The following ABR variants were observed in gnomAD, a reference collection of about 807,000 sequenced individuals.
ABR encodes the protein active breakpoint cluster region-related protein.
Under a neutral mutation model 107.2 loss-of-function variants are expected in ABR, and 35 were observed. The observed-to-expected ratio is 0.33, with a 90% CI of 0.25 to 0.43. The LOEUF is 0.43. ABR is among the 20% of genes least tolerant of loss of function. ABR has a pLI of 1.00. For missense variants in ABR, 815 were observed against 1,115.2 expected (o/e 0.73, Z 3.83); for synonymous variants, 498 against 462.0 (o/e 1.08, Z -1.00).
intron 2 of ABR, 69 bp downstream of exon 2, chr17:1,125,114 C>G (rs2039531928): frequency 6.8e-7 from 1 of 1,479,282 alleles, no homozygotes; most frequent in South Asian, 1.3e-5. Flanking sequence ...CAAGCAGGGC[C>G]TGGCCCACGA....
At chr17:1,216,316 G>A (rs2043008462) in intron 1 of ABR, among the ~76,000 whole-genome samples, 1 of 152,218 alleles carries the variant, frequency 6.6e-6, no homozygotes, top group South Asian at 2.1e-4. Flanking sequence ...GAGGAGGAGA[G>A]CGGGGCCCAC....
intron 6 of ABR, among the ~76,000 whole-genome samples, chr17:1,075,511 C>G (rs563182748): frequency 6.6e-5 from 10 of 152,342 alleles, no homozygotes; most frequent in African/African-American, 2.4e-4. Context: ...GCAGCCTCAG[C>G]AGGGCCACCA....
chr17:1,117,072 G>T (rs71357158), intron 2 of ABR, among the ~76,000 whole-genome samples: 13,824 of 145,178 alleles, frequency 0.095, 1,705 homozygotes, highest in Middle Eastern at 0.16. Flanking sequence ...AGAAAGGGAA[G>T]AAGAGGCTGC....
chr17:1,152,833 C>T (rs913628750), intron 1 of ABR, among the ~76,000 whole-genome samples: 1 of 152,034 alleles, frequency 6.6e-6, no homozygotes, highest in Admixed American at 6.6e-5. Context: ...GTGGGTCATG[C>T]CTGTAATCCC....
rs776233596 is a variant in ABR at position 1,096,604 on chromosome 17, G to A, written c.345+4033C>T. 5.3e-5 allele frequency among the ~76,000 whole-genome samples: 8 copies of A among 152,274 alleles called. 1 individual carries two copies. In the East Asian group the frequency reaches 9.7e-4, roughly 18 times the overall value. ...CCTACCACAGACCTGGCCTCCCAGC[G>A]AGTTCTTCCTTTGCTCCCTCTGGTC... On this transcript the variant is annotated intron_variant, in intron 3 of 22. Transcript: ENST00000302538.
At chr17:1,198,518 G>A (rs1232608609) in intron 1 of ABR, among the ~76,000 whole-genome samples, 2 of 151,284 alleles carry the variant, frequency 1.3e-5, no homozygotes, top group East Asian at 1.9e-4. Context: ...TGAGGCGGGT[G>A]GATCACCTGA....
chr17:1,225,327 G>A (rs928228571), intron 1 of ABR, among the ~76,000 whole-genome samples: 4 of 151,872 alleles, frequency 2.6e-5, no homozygotes, highest in Admixed American at 6.6e-5. Flanking sequence ...AACCATCTGC[G>A]ATCCAGAATG....
chr17:1,032,650 C>T (rs530246459), intron 16 of ABR, among the ~76,000 whole-genome samples: 1 of 151,146 alleles, frequency 6.6e-6, no homozygotes, highest in East Asian at 1.9e-4. Context: ...CACCCGTGTC[C>T]GTGCTGGGCG....
intron 9 of ABR, among the ~76,000 whole-genome samples, chr17:1,067,621 C>T (rs2034861928): frequency 6.6e-6 from 1 of 152,222 alleles, no homozygotes; most frequent in South Asian, 2.1e-4. Context: ...TGTTCAATAT[C>T]CTTCAGGCTA....
rs750945345 is a variant in ABR at position 1,125,356 on chromosome 17, C to A, written c.73G>T (p.Gly25Trp). The change falls in exon 2 of 23, where the codon GGG (glycine) becomes TGG (tryptophan). Residue 25 changes from glycine (G) to tryptophan (W), a missense_variant. Gly to Trp is a radical substitution (Grantham distance 184). Coordinates refer to ENST00000302538, the MANE Select transcript of ABR (RefSeq NM_021962.5). ...CCCTCTCCGTCGTACTCGTCCGTCC[C>A]GTAGCTGAAGTCTGAGACAAGGAAC... ...IDTLYSNFSY[G>W]TDEYDGEGNE... The A allele has an allele frequency of 6.8e-6, 11 of 1,613,536 alleles. No individual in the cohort carries two copies. The highest frequency in any genetic ancestry group is 9.3e-6 in the Non-Finnish European group (11 of 1,179,984).
rs565001688 is a variant in ABR at position 1,051,762 on chromosome 17, G to T, written c.1562-1128C>A. ...ACTTAGCCCCTGCAGCTGCCCAGCTGGGCCATTCTCCATCAGAACAGCTTT... is the reference window on the plus strand; with the variant it reads ...ACTTAGCCCCTGCAGCTGCCCAGCTTGGCCATTCTCCATCAGAACAGCTTT... On this transcript the variant is annotated intron_variant, in intron 14 of 22. Transcript: ENST00000302538. The surrounding 1 kb of genome is among the most constrained non-coding windows in gnomAD (Gnocchi z 4.3). 6.6e-6 allele frequency among the ~76,000 whole-genome samples: 1 copy of T among 152,148 alleles called. No homozygotes were observed. Among genetic ancestry groups the T allele is most frequent in the African/African-American group, 2.4e-5 (1 of 41,432 alleles).
intron 1 of ABR, among the ~76,000 whole-genome samples, chr17:1,153,278 C>A (rs1021072626): frequency 6.6e-6 from 1 of 151,066 alleles, no homozygotes; most frequent in African/African-American, 2.4e-5. Flanking sequence ...CTGGCGTGGC[C>A]CCCTGTGTCC....
intron 4 of ABR, 106 bp downstream of exon 4, chr17:1,091,559 C>T: frequency 7.5e-7 from 1 of 1,325,734 alleles, no homozygotes; most frequent in Non-Finnish European, 1.0e-6. Flanking sequence ...GGTCTCAGGC[C>T]TTCAAGGAGT....
At chr17:1,108,291 T>C (rs2151381807) in intron 2 of ABR, among the ~76,000 whole-genome samples, 1 of 152,308 alleles carries the variant, frequency 6.6e-6, no homozygotes, top group South Asian at 2.1e-4. Flanking sequence ...TGGCCACCAC[T>C]GCCCTCCAGT....
intron 1 of ABR, among the ~76,000 whole-genome samples, chr17:1,196,326 A>G (rs1248271985): frequency 1.3e-5 from 2 of 151,270 alleles, no homozygotes; most frequent in East Asian, 3.9e-4. Flanking sequence ...GCTACTCGGG[A>G]GGCTGAGGCA....
chr17:1,054,250 G>A (rs566152850), intron 14 of ABR, among the ~76,000 whole-genome samples: 4 of 152,348 alleles, frequency 2.6e-5, no homozygotes, highest in South Asian at 2.1e-4. Context: ...ACGTCCACAC[G>A]CCAGCCATGT....
rs1464953070 is a variant in ABR, at chr17:1,048,668, G to T, written c.1791+1382C>A. Among the ~76,000 whole-genome samples the T allele has an allele frequency of 1.7e-3, 211 of 122,818 alleles. 10 individuals carry two copies. The highest frequency in any genetic ancestry group is 6.5e-3 in the African/African-American group (197 of 30,320). The allele number at this position is 122,818 out of a possible 152,430, so 80.6% of individuals were successfully genotyped here. A position where few individuals can be genotyped will look rare whatever the true frequency, so the allele number is the denominator to read the frequency against. On this transcript the variant is annotated intron_variant, in intron 16 of 22. Transcript: ENST00000302538. ...CCACGGTCAAGAAGCTCGGCGCCCA[G>T]CTGCCGCCTGGATCACCTCCGGGGC...
intron 1 of ABR, among the ~76,000 whole-genome samples, chr17:1,186,604 G>A (rs2042303206): frequency 6.6e-6 from 1 of 152,236 alleles, no homozygotes. Context: ...GCAGCATCCT[G>A]GGCAGAGCCG....
rs199700709 is a variant in ABR, at chr17:1,226,776, GAC to G, written c.838+2015_838+2016del. Reference sequence around the variant, plus strand: ...GCTGTGCGTGTGTGTGCATGCATGTGACAGTGTACCATGTGTATACGTGTGCA... The same window carrying G: ...GCTGTGCGTGTGTGTGCATGCATGTGAGTGTACCATGTGTATACGTGTGCA... On this transcript the variant is annotated intron_variant, in intron 1 of 22. Transcript: ENST00000574139. Among the ~76,000 whole-genome samples the G allele has an allele frequency of 3.7e-3, 555 of 151,826 alleles. 31 individuals carry two copies. In the East Asian group the frequency reaches 0.096, roughly 26 times the overall value.
Sources: allele counts gnomAD v4.1 joint callset (sites outside exome capture counted in the v4.1 genomes callset), GRCh38; gene constraint gnomAD v4.1.1; non-coding constraint Gnocchi (gnomAD v3.1); transcripts MANE v1.5; gene names NCBI Gene and HGNC (gene_info 2026-07-23, HGNC 2026-07-21).